Variants in GLT1D1 observed in about 807,000 individuals in gnomAD.
The protein encoded by GLT1D1 is glycosyltransferase 1 domain-containing protein 1.
A neutral mutation model predicts 28.7 loss-of-function variants in GLT1D1; 21 were observed. That is an observed-to-expected ratio of 0.73 (90% CI 0.52 to 1.05). GLT1D1 has a LOEUF of 1.05. Among genes scored for constraint, GLT1D1 ranks in the 50% least tolerant of loss-of-function variants. GLT1D1 has a pLI of 0.00. For synonymous variants in GLT1D1, 147 were observed against 124.8 expected (o/e 1.18, Z -1.19); for missense variants, 343 against 330.6 (o/e 1.04, Z -0.29).
At chr12:128,888,100 C>A (rs1868605147) in intron 2 of GLT1D1, among the ~76,000 whole-genome samples, 1 of 152,222 alleles carries the variant, frequency 6.6e-6, no homozygotes, top group Admixed American at 6.5e-5. Context: ...ATGCGCTCAG[C>A]ATCTTGTGTT....
At chr12:128,908,682 G>A (rs1045233371) in intron 4 of GLT1D1, among the ~76,000 whole-genome samples, 3 of 151,940 alleles carry the variant, frequency 2.0e-5, no homozygotes, top group Admixed American at 6.6e-5. Context: ...GGGCGCGGTG[G>A]CTCACGCCTG....
chr12:128,891,920 G>C (rs1869106304), intron 3 of GLT1D1, among the ~76,000 whole-genome samples: 1 of 152,166 alleles, frequency 6.6e-6, no homozygotes, highest in Non-Finnish European at 1.5e-5. Flanking sequence ...AGGTGGTCAG[G>C]CACAGGTTGG....
chr12:128,866,899 G>A (rs1410409651), intron 1 of GLT1D1, among the ~76,000 whole-genome samples: 1 of 151,774 alleles, frequency 6.6e-6, no homozygotes, highest in Non-Finnish European at 1.5e-5. Context: ...GGGATTACAG[G>A]CATGAGCCAC....
chr12:128,976,250 G>A (rs932085003), intron 7 of GLT1D1, among the ~76,000 whole-genome samples: 1 of 152,162 alleles, frequency 6.6e-6, no homozygotes, highest in African/African-American at 2.4e-5. Context: ...CAGGCTTCCT[G>A]CAATCCCCTG....
intron 1 of GLT1D1, among the ~76,000 whole-genome samples, chr12:128,874,174 CTTT>C (rs1317963387): frequency 8.1e-6 from 1 of 123,036 alleles, no homozygotes. Context: ...TTCTTTCTTT[CTTT>C]TTTTCTCTTT....
chr12:128,982,562 G>A (rs1030226335), intron 7 of GLT1D1, among the ~76,000 whole-genome samples: 1 of 152,202 alleles, frequency 6.6e-6, no homozygotes, highest in Non-Finnish European at 1.5e-5. Flanking sequence ...CCACTCATGA[G>A]AGGGAAGACA....
At chr12:128,874,098 TTCTCTCTCTC>T (rs1263001892) in intron 1 of GLT1D1, among the ~76,000 whole-genome samples, 1 of 33,054 alleles carries the variant, frequency 3.0e-5, no homozygotes, top group African/African-American at 1.3e-4. Flanking sequence ...CTTTCTTTCT[TTCTCTCTCTC>T]TCTCTCTCTC....
At chr12:128,918,288 A>G (rs1160692021) in intron 4 of GLT1D1, among the ~76,000 whole-genome samples, 1 of 152,180 alleles carries the variant, frequency 6.6e-6, no homozygotes, top group Non-Finnish European at 1.5e-5. Flanking sequence ...GGAGGGGAAT[A>G]ACACACACTG....
rs540828130 is a variant in GLT1D1, at chr12:128,855,131, G to T, written c.68+1482G>T. Among the ~76,000 whole-genome samples, 78 of 145,056 alleles carry T rather than the reference G, an allele frequency of 5.4e-4. No homozygotes were observed. The South Asian group carries it at 7.3e-3, about 14-fold the overall frequency. On this transcript the variant is annotated intron_variant, in intron 1 of 7. Transcript: ENST00000281703. Reference sequence around the variant, plus strand: ...ACTAGGAGGCTGAGGCAGGAGAATCGCTTGAACCTGGGAGGCAGCTGTTGC... The same window carrying T: ...ACTAGGAGGCTGAGGCAGGAGAATCTCTTGAACCTGGGAGGCAGCTGTTGC...
intron 7 of GLT1D1, among the ~76,000 whole-genome samples, chr12:128,975,873 G>A (rs1879719810): frequency 6.6e-6 from 1 of 152,234 alleles, no homozygotes; most frequent in African/African-American, 2.4e-5. Context: ...TAAGAGGTGG[G>A]TGGAAGGTTC....
intron 4 of GLT1D1, among the ~76,000 whole-genome samples, chr12:128,928,246 G>A (rs940458047): frequency 3.9e-5 from 6 of 152,064 alleles, no homozygotes; most frequent in African/African-American, 1.4e-4. Context: ...CTTGTTGTGT[G>A]GAAAATGAGT....
intron 1 of GLT1D1, among the ~76,000 whole-genome samples, chr12:128,855,171 TCTGGGATCACGCCACTGCA>T (rs974588597): frequency 7.1e-6 from 1 of 140,044 alleles, no homozygotes; most frequent in African/African-American, 2.7e-5. Context: ...AGCCAATTGA[TCTGGGATCACGCCACTGCA>T]CTCTAGCCTG....
At chr12:128,960,860 G>A (rs868301181) in intron 7 of GLT1D1, among the ~76,000 whole-genome samples, 4 of 152,132 alleles carry the variant, frequency 2.6e-5, no homozygotes, top group East Asian at 1.9e-4. Context: ...CCTTAGTTAT[G>A]TACATATATG....
chr12:128,871,746 T>G (rs1023508092), intron 1 of GLT1D1, among the ~76,000 whole-genome samples: 2 of 152,154 alleles, frequency 1.3e-5, no homozygotes, highest in Non-Finnish European at 2.9e-5. Context: ...TCCTCTTCTT[T>G]GTTTTACTCA....
At chr12:128,949,081 T>A (rs1174447521) in intron 6 of GLT1D1, among the ~76,000 whole-genome samples, 1 of 152,220 alleles carries the variant, frequency 6.6e-6, no homozygotes, top group Non-Finnish European at 1.5e-5. Context: ...CTCGGGGCAA[T>A]ACATTTTATT....
intron 4 of GLT1D1, among the ~76,000 whole-genome samples, chr12:128,913,516 C>T (rs947085828): frequency 6.6e-6 from 1 of 152,196 alleles, no homozygotes; most frequent in Non-Finnish European, 1.5e-5. Flanking sequence ...CCACCGTGCC[C>T]GGCCTCTCTA....
chr12:128,936,033 A>C (rs1226614779), intron 4 of GLT1D1, among the ~76,000 whole-genome samples: 1 of 152,128 alleles, frequency 6.6e-6, no homozygotes, highest in African/African-American at 2.4e-5. Context: ...TAAAATGGGG[A>C]CGACTGAGCT....
chr12:128,908,935 C>T (rs565419213), intron 4 of GLT1D1, among the ~76,000 whole-genome samples: 17 of 151,716 alleles, frequency 1.1e-4, no homozygotes, highest in Non-Finnish European at 2.4e-4. Context: ...GGCGACAGAG[C>T]GAGACTCCGT....
chr12:128,881,671 A>AT (rs1320912705), intron 2 of GLT1D1, among the ~76,000 whole-genome samples: 13 of 143,178 alleles, frequency 9.1e-5, no homozygotes, highest in Non-Finnish European at 2.0e-4. Flanking sequence ...AATATATAAA[A>AT]ATATATATTT....
Sources: allele counts gnomAD v4.1 joint callset (sites outside exome capture counted in the v4.1 genomes callset), GRCh38; gene constraint gnomAD v4.1.1; transcripts MANE v1.5; gene names NCBI Gene and HGNC (gene_info 2026-07-23, HGNC 2026-07-21).